AHI1: variants seen among roughly 807,000 people sequenced by gnomAD.
AHI1 encodes jouberin.
AHI1 carries 123 observed loss-of-function variants against 149.3 expected under a neutral mutation model. That is an observed-to-expected ratio of 0.82 (90% CI 0.71 to 0.96). The LOEUF (loss-of-function observed/expected upper bound fraction) is 0.96. Ranked by LOEUF, AHI1 falls within the 40% of genes least tolerant of loss-of-function variation. The probability of loss-of-function intolerance (pLI) is 0.00; values close to 1 mark genes in which losing one functional copy is unlikely to be tolerated. For synonymous variants in AHI1, 475 were observed against 459.8 expected, an observed-to-expected ratio of 1.03 and a Z score of -0.42; for missense variants, 1,439 against 1,422.7, an observed-to-expected ratio of 1.01 and a Z score of -0.18.
chr6:135,295,480 A>AC (rs1782965676), intron 27 of AHI1, among the ~76,000 whole-genome samples: 1 of 152,206 alleles, frequency 6.6e-6, no homozygotes, highest in Admixed American at 6.5e-5. Context: ...AAACAAAAAA[A>AC]ACCCCTATGT....
intron 23 of AHI1, among the ~76,000 whole-genome samples, chr6:135,375,954 G>T (rs1047322764): frequency 6.6e-6 from 1 of 152,024 alleles, no homozygotes; most frequent in Non-Finnish European, 1.5e-5. Context: ...CATATCAAAG[G>T]ACATAAGAGC....
intron 21 of AHI1, among the ~76,000 whole-genome samples, chr6:135,411,137 C>T (rs1781525923): frequency 6.6e-6 from 1 of 152,122 alleles, no homozygotes; most frequent in African/African-American, 2.4e-5. Flanking sequence ...ACAGAGATAT[C>T]AAGTCAGAAC....
chr6:135,396,169 A>C (rs1251367526), intron 22 of AHI1, among the ~76,000 whole-genome samples: 1 of 151,838 alleles, frequency 6.6e-6, no homozygotes. Flanking sequence ...AATAAAAAAT[A>C]AAAGTATTTT....
chr6:135,367,114 T>C (rs1444947991), intron 23 of AHI1, among the ~76,000 whole-genome samples: 2 of 152,198 alleles, frequency 1.3e-5, no homozygotes, highest in Non-Finnish European at 2.9e-5. Context: ...TTCCTTCATT[T>C]ATGAAGCTTA....
chr6:135,348,015 T>A (rs568323678), intron 24 of AHI1, among the ~76,000 whole-genome samples: 97 of 152,356 alleles, frequency 6.4e-4, no homozygotes, highest in African/African-American at 2.3e-3. Flanking sequence ...AGCTAATCTG[T>A]GACCCAATTA....
At chr6:135,386,366 A>C (rs1390559885) in intron 23 of AHI1, among the ~76,000 whole-genome samples, 3 of 150,772 alleles carry the variant, frequency 2.0e-5, no homozygotes, top group Non-Finnish European at 4.4e-5. Flanking sequence ...GCTGGAGTGC[A>C]GTGGCATGAT....
chr6:135,299,552 T>C (rs544015800), intron 27 of AHI1, among the ~76,000 whole-genome samples: 38 of 152,292 alleles, frequency 2.5e-4, no homozygotes, highest in African/African-American at 7.7e-4. Context: ...GTTAGTAATG[T>C]AATTTGAATA....
At chr6:135,445,987 T>G (rs1787144526) in intron 13 of AHI1, among the ~76,000 whole-genome samples, 1 of 151,368 alleles carries the variant, frequency 6.6e-6, no homozygotes, top group Non-Finnish European at 1.5e-5. Context: ...ACCCGGGAGG[T>G]GGAGCTTGCA....
At chr6:135,300,432 GAGAAATTATC>G in intron 27 of AHI1, 58 bp downstream of exon 27, 3 of 1,392,834 alleles carry the variant, frequency 2.2e-6, no homozygotes. Flanking sequence ...ATAAGAAATG[GAGAAATTATC>G]CTTAAAAGAA....
intron 5 of AHI1, among the ~76,000 whole-genome samples, chr6:135,488,361 C>T (rs1583494410): frequency 6.6e-6 from 1 of 152,088 alleles, no homozygotes; most frequent in African/African-American, 2.4e-5. Context: ...CTTCCCACCT[C>T]GAATTTGTCT....
At chr6:135,493,183 G>C (rs558906171) in intron 3 of AHI1, among the ~76,000 whole-genome samples, 47 of 152,184 alleles carry the variant, frequency 3.1e-4, no homozygotes, top group African/African-American at 1.1e-3. Context: ...ATTTTTAGTA[G>C]AGACAGGGTT....
At chr6:135,431,549 T>C (rs554551876) in intron 16 of AHI1, among the ~76,000 whole-genome samples, 1 of 152,282 alleles carries the variant, frequency 6.6e-6, no homozygotes, top group South Asian at 2.1e-4. Context: ...CTTTCCCTTT[T>C]TCACTTACCT....
chr6:135,332,921 A>G (rs1006899611), intron 24 of AHI1, among the ~76,000 whole-genome samples: 29 of 152,300 alleles, frequency 1.9e-4, no homozygotes, highest in African/African-American at 6.5e-4. Context: ...ATGCTGCCCC[A>G]TTCTGGCAAA....
At chr6:135,479,870 C>T (rs1793320480) in intron 5 of AHI1, among the ~76,000 whole-genome samples, 1 of 152,150 alleles carries the variant, frequency 6.6e-6, no homozygotes, top group Non-Finnish European at 1.5e-5. Flanking sequence ...CAACTTCCCT[C>T]TTGCTGTTCT....
chr6:135,482,894 C>CTTTTTTTTATTTTTTTTTTTT (rs1793907719), intron 5 of AHI1, among the ~76,000 whole-genome samples: 1 of 55,734 alleles, frequency 1.8e-5, no homozygotes, highest in Non-Finnish European at 2.8e-5. Flanking sequence ...CCATTTAAGG[C>CTTTTTTTTATTTTTTTTTTTT]TTTTTTTTTT....
chr6:135,455,658 C>T (rs1788818346), intron 10 of AHI1, 76 bp downstream of exon 10: 3 of 1,171,872 alleles, frequency 2.6e-6, no homozygotes, highest in Non-Finnish European at 3.4e-6. Context: ...TACTGGACTA[C>T]TAAAAATAAT....
At chr6:135,378,160 T>C (rs1393205873) in intron 23 of AHI1, among the ~76,000 whole-genome samples, 1 of 152,162 alleles carries the variant, frequency 6.6e-6, no homozygotes, top group Non-Finnish European at 1.5e-5. Context: ...GCTCTGACAA[T>C]TGTTAGATAT....
chr6:135,391,665 A>G (rs1438458394), intron 23 of AHI1, among the ~76,000 whole-genome samples: 1 of 152,108 alleles, frequency 6.6e-6, no homozygotes, highest in Non-Finnish European at 1.5e-5. Context: ...TTTCCAGTCA[A>G]ACCAAGACTC....
chr6:135,313,399 C>T (rs1217581686), intron 26 of AHI1, among the ~76,000 whole-genome samples: 1 of 152,180 alleles, frequency 6.6e-6, no homozygotes, highest in Admixed American at 6.5e-5. Flanking sequence ...TCCATGAGAA[C>T]ATTCCTACTC....
Sources: allele counts gnomAD v4.1 joint callset (sites outside exome capture counted in the v4.1 genomes callset), GRCh38; gene constraint gnomAD v4.1.1; transcripts MANE v1.5; gene names NCBI Gene and HGNC (gene_info 2026-07-23, HGNC 2026-07-21).